SLC25A41: variants seen among roughly 807,000 people sequenced by gnomAD.
SLC25A41 encodes mitochondrial carrier protein SCaMC-3L.
SLC25A41 carries 35 observed loss-of-function variants against 34.7 expected under a neutral mutation model. The observed-to-expected ratio is 1.01, with a 90% CI of 0.77 to 1.34. The LOEUF (loss-of-function observed/expected upper bound fraction) is 1.34. Among genes scored for constraint, SLC25A41 ranks in the 40% most tolerant of loss-of-function variants. The probability of loss-of-function intolerance (pLI) is 0.00; values close to 1 mark genes in which losing one functional copy is unlikely to be tolerated. For missense variants in SLC25A41, 492 were observed against 489.8 expected (o/e 1.00, Z -0.04); for synonymous variants, 190 against 209.9 (o/e 0.91, Z 0.82).
chr19:6,427,064 G>A lies in SLC25A41; in HGVS notation c.940+39C>T, dbSNP rs777146029. 134 of 1,558,188 alleles carry A rather than the reference G, an allele frequency of 8.6e-5. No individual in the cohort carries two copies. Among genetic ancestry groups the A allele is most frequent in the Non-Finnish European group, 1.2e-4 (133 of 1,150,254 alleles). On this transcript the variant is annotated intron_variant, in intron 6 of 6. Coordinates refer to ENST00000321510, the MANE Select transcript of SLC25A41 (RefSeq NM_173637.4). The surrounding 1 kb of genome is among the most constrained non-coding windows in gnomAD (Gnocchi z 4.9). Reference sequence around the variant, plus strand: ...AATTGAGACAGCCAGGGTGGGGCGGGGAAGGGGCATGCGTGGTGGCCGCTG... The same window carrying A: ...AATTGAGACAGCCAGGGTGGGGCGGAGAAGGGGCATGCGTGGTGGCCGCTG...
rs2092295238 is a variant in SLC25A41, at chr19:6,433,553, T to C, written c.141A>G (p.Thr47=). ...PPPPSWNPGC[T]HVYGYAFGHM... is the part of the protein sequence containing the mutation. ...GGCCAAACGCGTACCCATACACGTG[T>C]GTACAGCCAGGGTTCCAGGATGGGG... The change falls in exon 1 of 7, where the codon ACA becomes ACG. Residue 47 remains threonine, a synonymous_variant. Transcript: ENST00000321510. 1.2e-6 allele frequency: 2 copies of C among 1,610,968 alleles called. No homozygotes were observed. Among genetic ancestry groups the C allele is most frequent in the Admixed American group, 3.3e-5 (2 of 59,748 alleles).
rs2092245068 is a variant in SLC25A41 at position 6,427,041 on chromosome 19, T to C, written c.940+62A>G. 2 of 1,527,806 alleles carry C rather than the reference T, an allele frequency of 1.3e-6. No individual in the cohort carries two copies. The highest frequency in any genetic ancestry group is 2.4e-5 in the South Asian group (2 of 82,914). 94.6% of individuals were successfully genotyped at this position (1,527,806 alleles called of 1,614,324 possible). A position where few individuals can be genotyped will look rare whatever the true frequency, so the allele number is the denominator to read the frequency against. The stretch of plus-strand genomic sequence containing the variant: ...GACTCAGTTTTGGGGTATGAGAAAA[T>C]TGAGACAGCCAGGGTGGGGCGGGGA... On this transcript the variant is annotated intron_variant, in intron 6 of 6. Coordinates refer to ENST00000321510, the MANE Select transcript of SLC25A41 (RefSeq NM_173637.4). This position sits in a 1 kb window ranked among gnomAD's most constrained non-coding sequence, Gnocchi z 4.9.
At chr19:6,430,421 C>T (rs2092280509) in intron 2 of SLC25A41, 1 of 556,686 alleles carries the variant, frequency 1.8e-6, no homozygotes, top group Non-Finnish European at 3.2e-6. Flanking sequence ...CTCTTTCTTC[C>T]TTCCATCCTT....
chr19:6,433,778 T>C (rs778932418), upstream of SLC25A41: 25 of 1,176,432 alleles, frequency 2.1e-5, no homozygotes, highest in Admixed American at 2.6e-4. Context: ...AGTGGGAGGA[T>C]TGTGTGGGGG....
intron 4 of SLC25A41, 144 bp downstream of exon 4, chr19:6,429,580 G>T: frequency 2.2e-6 from 1 of 460,062 alleles, no homozygotes; most frequent in South Asian, 2.7e-5. Context: ...AGAGGAGGAA[G>T]AGGTGAACGG....
chr19:6,429,975 T>C, intron 3 of SLC25A41, 34 bp downstream of exon 3: 1 of 1,606,024 alleles, frequency 6.2e-7, no homozygotes, highest in Non-Finnish European at 8.5e-7. Context: ...GGGTTTGGGC[T>C]TGAGCTGGGG....
intron 1 of SLC25A41, 36 bp from the exon 2 acceptor site, chr19:6,432,240 C>A: frequency 6.3e-7 from 1 of 1,597,476 alleles, no homozygotes; most frequent in Non-Finnish European, 8.5e-7. Context: ...CATCCTCAGC[C>A]AGGTTGGGGC....
In SLC25A41 at chr19:6,426,377, C is replaced by T; in HGVS notation, c.*12G>A. 1 of 1,609,774 alleles carries T rather than the reference C, an allele frequency of 6.2e-7. No homozygotes were observed. The highest frequency in any genetic ancestry group is 8.5e-7 in the Non-Finnish European group (1 of 1,176,700). On this transcript the variant is annotated 3_prime_UTR_variant, in exon 7 of 7. Transcript: ENST00000321510. The stretch of plus-strand genomic sequence containing the variant: ...CCCATTTCTGCCTAGGCTGTGTCGT[C>T]CAGCTCACAGCCTATATGCCCAGGG...
At chr19:6,436,196 T>C (rs2092312148), upstream of SLC25A41, 1 of 273,970 alleles carries the variant, frequency 3.7e-6, no homozygotes, top group Non-Finnish European at 7.6e-6. Flanking sequence ...TTCTGAGCAT[T>C]AGGAACTCAG....
chr19:6,428,149 G>C (rs1022522455), intron 4 of SLC25A41, among the ~76,000 whole-genome samples: 1 of 152,100 alleles, frequency 6.6e-6, no homozygotes, highest in Non-Finnish European at 1.5e-5. Context: ...GGGTGCGGTA[G>C]CTCATGCCTG....
At chr19:6,430,377 C>G in intron 2 of SLC25A41, 1 of 575,924 alleles carries the variant, frequency 1.7e-6, no homozygotes, top group South Asian at 2.1e-5. Context: ...CCCACCTCAC[C>G]CCTCCTCTTC....
Position 6,433,549 on chromosome 19 carries a change from CGT to C in SLC25A41, c.143_144del (p.His48ArgfsTer11), listed in dbSNP as rs776111585. ...PPPSWNPGCT[H>X]VYGYAFGHMH... Reference sequence around the variant, plus strand: ...ATGTGGCCAAACGCGTACCCATACACGTGTGTACAGCCAGGGTTCCAGGATGG... The same window carrying C: ...ATGTGGCCAAACGCGTACCCATACACGTGTACAGCCAGGGTTCCAGGATGG... On this transcript the variant is annotated frameshift_variant, in exon 1 of 7. Transcript: ENST00000321510. LOFTEE classifies it high-confidence loss of function. 1.3e-5 allele frequency: 20 copies of C among 1,566,348 alleles called. No individual in the cohort carries two copies. Among genetic ancestry groups the C allele is most frequent in the Non-Finnish European group, 1.7e-5 (20 of 1,153,100 alleles).
chr19:6,428,662 A>G (rs2092255558), intron 4 of SLC25A41, among the ~76,000 whole-genome samples: 1 of 146,364 alleles, frequency 6.8e-6, no homozygotes, highest in South Asian at 2.1e-4. Flanking sequence ...ATATATTTAC[A>G]TAATAAGTAA....
chr19:6,432,691 A>T (rs560628688), intron 1 of SLC25A41, among the ~76,000 whole-genome samples: 7 of 151,654 alleles, frequency 4.6e-5, no homozygotes, highest in Non-Finnish European at 8.8e-5. Flanking sequence ...CCCTGGTTCA[A>T]GCGATTCTCG....
rs938768041 is a variant in SLC25A41 at position 6,429,994 on chromosome 19, C to T, written c.516+15G>A. The stretch of plus-strand genomic sequence containing the variant: ...TTGGGCTTGAGCTGGGGGAAGCAGG[C>T]CCCTCATTCCCCACCTGCTCGAATA... On this transcript the variant is annotated intron_variant, in intron 3 of 6. Coordinates refer to ENST00000321510, the MANE Select transcript of SLC25A41 (RefSeq NM_173637.4). The T allele has an allele frequency of 1.2e-6, 2 of 1,609,526 alleles. No homozygotes were observed. The highest frequency in any genetic ancestry group is 1.3e-5 in the African/African-American group (1 of 74,826).
At chr19:6,428,338 G>A (rs918847039) in intron 4 of SLC25A41, among the ~76,000 whole-genome samples, 11 of 150,296 alleles carry the variant, frequency 7.3e-5, no homozygotes, top group Admixed American at 1.3e-4. Flanking sequence ...GGTGGAGGTC[G>A]CAGTGAGCAG....
chr19:6,429,061 T>TATATATATG lies in SLC25A41; in HGVS notation c.624+662_624+663insCATATATAT, dbSNP rs1568349469. ...TATAATATATATATTATATATATGTTATATATATATATAATATATATATTA... is the reference window on the plus strand; with the variant it reads ...TATAATATATATATTATATATATGTTATATATATGATATATATATATAATATATATATTA... On this transcript the variant is annotated intron_variant, in intron 4 of 6. Transcript: ENST00000321510. 1.2e-3 allele frequency among the ~76,000 whole-genome samples: 10 copies of TATATATATG among 8,490 alleles called. 4 individuals are homozygous for TATATATATG. Among genetic ancestry groups the TATATATATG allele is most frequent in the African/African-American group, 3.2e-3 (8 of 2,526 alleles). The allele number at this position is 8,490 out of a possible 152,430, so 5.6% of individuals were successfully genotyped here. A position where few individuals can be genotyped will look rare whatever the true frequency, so the allele number is the denominator to read the frequency against.
Position 6,427,208 on chromosome 19 carries a change from C to G in SLC25A41, c.835G>C (p.Asp279His). The G allele has an allele frequency of 6.2e-7, 1 of 1,612,610 alleles. No homozygotes were observed. Among genetic ancestry groups the G allele is most frequent in the East Asian group, 2.2e-5 (1 of 44,878 alleles). Residue 279 changes from aspartate to histidine, a missense_variant, in exon 6 of 7, where the codon GAC becomes CAC. Coordinates refer to ENST00000321510, the MANE Select transcript of SLC25A41 (RefSeq NM_173637.4). This position sits in a 1 kb window ranked among gnomAD's most constrained non-coding sequence, Gnocchi z 4.9. ...FWVKSGRDMG[D>H]PSGLVSLSSV... Reference sequence around the variant, plus strand: ...GACAGACTGACCAGGCCACTGGGGTCCCCCATATCCCTGCCTGACTTCACC... The same window carrying G: ...GACAGACTGACCAGGCCACTGGGGTGCCCCATATCCCTGCCTGACTTCACC...
chr19:6,434,243 G>A (rs2092298501), upstream of SLC25A41, among the ~76,000 whole-genome samples: 1 of 151,926 alleles, frequency 6.6e-6, no homozygotes, highest in Admixed American at 6.6e-5. Context: ...GCTTCCGGCC[G>A]CAAAATTCTT....
Sources: allele counts gnomAD v4.1 joint callset (sites outside exome capture counted in the v4.1 genomes callset), GRCh38; gene constraint gnomAD v4.1.1; non-coding constraint Gnocchi (gnomAD v3.1); transcripts MANE v1.5; gene names NCBI Gene and HGNC (gene_info 2026-07-23, HGNC 2026-07-21).